RPS6KC1: variants seen among roughly 807,000 people sequenced by gnomAD.
RPS6KC1 encodes the protein ribosomal protein S6 kinase C1.
A neutral mutation model predicts 103.8 loss-of-function variants in RPS6KC1; 54 were observed. That is an observed-to-expected ratio of 0.52 (90% confidence interval 0.42 to 0.65). RPS6KC1 has a LOEUF of 0.65. Ranked by LOEUF, RPS6KC1 falls within the 30% of genes least tolerant of loss-of-function variation. The pLI is 0.00. For synonymous variants in RPS6KC1, 439 were observed against 438.7 expected (o/e 1.00, Z -0.01); for missense variants, 1,151 against 1,253.8 (o/e 0.92, Z 1.24).
At chr1:213,523,724 ATT>A in the RPS6KC1 span, among the ~76,000 whole-genome samples, 1 of 152,340 alleles carries the variant, frequency 6.6e-6, no homozygotes, top group Non-Finnish European at 1.5e-5. Flanking sequence ...AGAAAGTGTA[ATT>A]CAAACTGCTG....
At chr1:213,780,979 T>A in the RPS6KC1 span, among the ~76,000 whole-genome samples, 1 of 152,186 alleles carries the variant, frequency 6.6e-6, no homozygotes, top group Admixed American at 6.5e-5. Flanking sequence ...ATCAAGATCA[T>A]GCCACTGCAC....
chr1:213,466,428 G>C, the RPS6KC1 span, among the ~76,000 whole-genome samples: 1 of 152,188 alleles, frequency 6.6e-6, no homozygotes, highest in South Asian at 2.1e-4. Context: ...TCATGATCTA[G>C]AGAGAGTGCT....
chr1:213,704,630 T>G, the RPS6KC1 span, among the ~76,000 whole-genome samples: 1 of 152,224 alleles, frequency 6.6e-6, no homozygotes, highest in African/African-American at 2.4e-5. Context: ...TGGTCCCTGG[T>G]GCCTTATTTA....
the RPS6KC1 span, among the ~76,000 whole-genome samples, chr1:213,567,440 C>G: frequency 4.7e-4 from 72 of 152,328 alleles, no homozygotes; most frequent in African/African-American, 1.7e-3. Context: ...AATCTGGCAG[C>G]TCTCCCACAG....
chr1:213,546,331 A>C, the RPS6KC1 span: 1 of 152,216 alleles, frequency 6.6e-6, no homozygotes, highest in Non-Finnish European at 1.5e-5. Context: ...TGAGAAGAAC[A>C]TTCTACTGTC....
the RPS6KC1 span, among the ~76,000 whole-genome samples, chr1:213,368,307 C>T: frequency 6.6e-6 from 1 of 152,150 alleles, no homozygotes; most frequent in African/African-American, 2.4e-5. Flanking sequence ...GGGGTTTCCG[C>T]AGAAGGGTGG....
the RPS6KC1 span, among the ~76,000 whole-genome samples, chr1:213,413,221 T>G: frequency 6.6e-6 from 1 of 152,356 alleles, no homozygotes; most frequent in African/African-American, 2.4e-5. Context: ...TCAGGGTAAT[T>G]GAGGTATCCA....
chr1:213,241,224 C>T lies in RPS6KC1; in HGVS notation c.1748C>T (p.Ser583Phe). ...AACGATGACCCAGAAGCAGTTAGTTCTCCAAGAACATCAGATTCCCTCAGT... is the reference window on the plus strand; with the variant it reads ...AACGATGACCCAGAAGCAGTTAGTTTTCCAAGAACATCAGATTCCCTCAGT... ...FPNDDPEAVSSPRTSDSLSRS... is the reference protein window; with the variant it reads ...FPNDDPEAVSFPRTSDSLSRS... The change falls in exon 11 of 15, where the codon TCT becomes TTT. Residue 583 changes from serine (S) to phenylalanine (F), a missense_variant. Coordinates refer to ENST00000366960, the MANE Select transcript of RPS6KC1 (RefSeq NM_012424.6). 1 of 1,613,812 alleles carries T rather than the reference C, an allele frequency of 6.2e-7. No homozygotes were observed. The highest frequency in any genetic ancestry group is 8.5e-7 in the Non-Finnish European group (1 of 1,179,858).
the RPS6KC1 span, among the ~76,000 whole-genome samples, chr1:213,857,238 C>A: frequency 6.6e-6 from 1 of 152,204 alleles, no homozygotes; most frequent in Non-Finnish European, 1.5e-5. Context: ...TGTGAGCCAC[C>A]ATTGTCATGA....
At chr1:213,648,890 C>T in the RPS6KC1 span, among the ~76,000 whole-genome samples, 12 of 152,148 alleles carry the variant, frequency 7.9e-5, no homozygotes, top group African/African-American at 2.9e-4. Context: ...GCCAACATTC[C>T]ACAGTTTCTT....
At chr1:213,060,094 C>A (rs775520319) in intron 1 of RPS6KC1, among the ~76,000 whole-genome samples, 3 of 152,132 alleles carry the variant, frequency 2.0e-5, no homozygotes. Flanking sequence ...CTGGGATTGC[C>A]GGTGTGAACC....
chr1:213,316,518 G>A, the RPS6KC1 span, among the ~76,000 whole-genome samples: 3 of 152,222 alleles, frequency 2.0e-5, no homozygotes, highest in African/African-American at 7.2e-5. Flanking sequence ...GTTACTGAGT[G>A]TCTATTATGT....
the RPS6KC1 span, among the ~76,000 whole-genome samples, chr1:213,682,262 C>T: frequency 6.6e-6 from 1 of 152,158 alleles, no homozygotes; most frequent in Non-Finnish European, 1.5e-5. Context: ...CTTCTCCGTC[C>T]CTCATTTTGT....
chr1:213,066,202 T>TA (rs1298551571), intron 1 of RPS6KC1, among the ~76,000 whole-genome samples: 1 of 152,214 alleles, frequency 6.6e-6, no homozygotes, highest in Admixed American at 6.5e-5. Context: ...AACAAGAGTT[T>TA]AAAACAATTC....
chr1:213,770,852 A>G, the RPS6KC1 span, among the ~76,000 whole-genome samples: 2 of 152,360 alleles, frequency 1.3e-5, no homozygotes, highest in East Asian at 3.9e-4. Context: ...TGAAGAAAAT[A>G]CTATTCATAA....
intron 6 of RPS6KC1, among the ~76,000 whole-genome samples, chr1:213,151,339 C>T (rs1302163106): frequency 3.8e-4 from 47 of 123,496 alleles, no homozygotes; most frequent in Admixed American, 6.0e-4. Context: ...GCTGGCCGGG[C>T]GGGGGGCTAA....
At chr1:213,430,965 G>A in the RPS6KC1 span, among the ~76,000 whole-genome samples, 1 of 152,134 alleles carries the variant, frequency 6.6e-6, no homozygotes, top group African/African-American at 2.4e-5. Flanking sequence ...ACCTGAATTC[G>A]CGCTTGCCGT....
chr1:213,558,383 G>T, the RPS6KC1 span, among the ~76,000 whole-genome samples: 7 of 152,182 alleles, frequency 4.6e-5, no homozygotes, highest in African/African-American at 1.7e-4. Context: ...GGAGAGGAAG[G>T]GAGTAAGGAG....
chr1:213,515,563 G>A, the RPS6KC1 span, among the ~76,000 whole-genome samples: 1 of 152,030 alleles, frequency 6.6e-6, no homozygotes, highest in Admixed American at 6.5e-5. Context: ...TATTTCTGAG[G>A]GCTCTGTTCT....
Sources: gnomAD v4.1 joint callset for allele counts (sites outside exome capture counted in the v4.1 genomes callset) on GRCh38, gnomAD v4.1.1 for gene constraint, MANE v1.5 for transcripts, NCBI Gene and HGNC (gene_info 2026-07-23, HGNC 2026-07-21) for gene names.